Variants in JAK1 observed in about 807,000 individuals in gnomAD.
JAK1 encodes the protein Janus kinase 1, also known as tyrosine-protein kinase JAK1.
Under a neutral mutation model 136.6 loss-of-function variants are expected in JAK1, and 16 were observed. The observed-to-expected ratio is 0.12, with a 90% CI of 0.08 to 0.18. JAK1 has a LOEUF of 0.18. Ranked by LOEUF, JAK1 falls within the 10% of genes least tolerant of loss-of-function variation. The probability of loss-of-function intolerance (pLI) is 1.00; values close to 1 mark genes in which losing one functional copy is unlikely to be tolerated. For synonymous variants in JAK1, 492 were observed against 519.5 expected, an observed-to-expected ratio of 0.95 and a Z score of 0.72; for missense variants, 859 against 1,450.1, an observed-to-expected ratio of 0.59 and a Z score of 6.62.
intron 2 of JAK1, chr1:64,972,144 CAG>C (rs1421024117): frequency 6.6e-6 from 1 of 152,114 alleles, no homozygotes; most frequent in African/African-American, 2.4e-5. Context: ...AGAACAAAAA[CAG>C]ATAATATTCC....
intron 1 of JAK1, among the ~76,000 whole-genome samples, chr1:65,065,060 A>C (rs1647981096): frequency 6.6e-6 from 1 of 152,140 alleles, no homozygotes; most frequent in South Asian, 2.1e-4. Flanking sequence ...TCCCCATGTC[A>C]AAGTTCATTG....
chr1:65,012,582 A>T (rs1017416678), intron 2 of JAK1, among the ~76,000 whole-genome samples: 13 of 152,188 alleles, frequency 8.5e-5, no homozygotes, highest in African/African-American at 2.7e-4. Flanking sequence ...GACATTTGCC[A>T]ATACAGCCAA....
chr1:64,864,853 A>C lies in JAK1; in HGVS notation c.1110T>G (p.Pro370=), dbSNP rs746173878. 111 of 1,613,728 alleles carry C rather than the reference A, an allele frequency of 6.9e-5. 2 individuals carry two copies. In the South Asian group the frequency reaches 1.2e-3, roughly 18 times the overall value. The change falls in exon 8 of 25, where the codon CCT becomes CCG. Residue 370 remains proline (P), a synonymous_variant. Transcript: ENST00000342505. ...REEWNNFSYF[P]EITHIVIKES... is the part of the protein sequence containing the mutation. The stretch of plus-strand genomic sequence containing the variant: ...CCTTTATTACAATGTGAGTGATTTC[A>C]GGGAAGTAAGAAAAATTGTTCCACT...
intron 1 of JAK1, among the ~76,000 whole-genome samples, chr1:64,928,778 CA>C (rs1183218798): frequency 0.014 from 841 of 61,094 alleles, 6 homozygotes; most frequent in African/African-American, 0.028. Context: ...TAAAACTCTG[CA>C]AAAAAAAAAA....
intron 1 of JAK1, among the ~76,000 whole-genome samples, chr1:64,912,220 T>C (rs72675483): frequency 0.091 from 13,897 of 152,224 alleles, 844 homozygotes; most frequent in Middle Eastern, 0.15. Context: ...CTCCAGGTGA[T>C]TCTGAGGCCC....
At chr1:64,876,188 G>A (rs916523827) in intron 4 of JAK1, 1 of 152,200 alleles carries the variant, frequency 6.6e-6, no homozygotes, top group South Asian at 2.1e-4. Context: ...GTGGCAGGAG[G>A]GGAAAAGGCA....
intron 1 of JAK1, among the ~76,000 whole-genome samples, chr1:64,908,533 G>C (rs1056911898): frequency 6.6e-6 from 1 of 151,994 alleles, no homozygotes; most frequent in Non-Finnish European, 1.5e-5. Flanking sequence ...AGTGCTTTTG[G>C]GAGAAGGTCC....
chr1:64,989,327 A>C (rs1646632869), intron 2 of JAK1: 1 of 115,496 alleles, frequency 8.7e-6, no homozygotes, highest in Non-Finnish European at 1.8e-5. Context: ...TCCATCTCAA[A>C]TAAATAAATA....
At chr1:64,910,381 C>T (rs1052497314) in intron 1 of JAK1, among the ~76,000 whole-genome samples, 1 of 151,882 alleles carries the variant, frequency 6.6e-6, no homozygotes, top group African/African-American at 2.4e-5. Context: ...GCATTGCTCT[C>T]GTTGTCAAAA....
chr1:64,873,879 A>C (rs1657229403), intron 4 of JAK1, among the ~76,000 whole-genome samples: 2 of 152,208 alleles, frequency 1.3e-5, no homozygotes, highest in Non-Finnish European at 2.9e-5. Flanking sequence ...TGCTAAGCCC[A>C]TTCTACCTCG....
intron 1 of JAK1, among the ~76,000 whole-genome samples, chr1:65,054,648 TG>T (rs1305433858): frequency 6.6e-6 from 1 of 152,154 alleles, no homozygotes; most frequent in Admixed American, 6.5e-5. Flanking sequence ...TTGAGGCAAC[TG>T]GAACAGGAAG....
chr1:64,989,002 G>GTGTGTATATA (rs545656432), intron 2 of JAK1, among the ~76,000 whole-genome samples: 5 of 129,238 alleles, frequency 3.9e-5, no homozygotes, highest in African/African-American at 1.4e-4. Flanking sequence ...GTGTGTGTGT[G>GTGTGTATATA]TATATATATA....
Position 65,052,579 on chromosome 1 carries a change from C to T in JAK1, c.-180-7997G>A, listed in dbSNP as rs551784186. The stretch of plus-strand genomic sequence containing the variant: ...TGTAATCCCAGCACCTTTGGGAGGC[C>T]GAGGCGGGCGGATCACGAGGTCAGG... On this transcript the variant is annotated intron_variant, in intron 1 of 25. Transcript: ENST00000671954. 1.4e-4 allele frequency among the ~76,000 whole-genome samples: 21 copies of T among 151,788 alleles called. No individual in the cohort carries two copies. The East Asian group carries it at 2.9e-3, about 21-fold the overall frequency.
At chr1:64,983,745 G>A (rs1001848677) in intron 2 of JAK1, among the ~76,000 whole-genome samples, 3 of 152,136 alleles carry the variant, frequency 2.0e-5, no homozygotes, top group Admixed American at 1.3e-4. Context: ...CCCATCAACT[G>A]CCATTAACTA....
intron 5 of JAK1, 148 bp downstream of exon 5, chr1:64,873,222 G>A (rs555570647): frequency 1.2e-6 from 1 of 812,812 alleles, no homozygotes; most frequent in African/African-American, 1.7e-5. Context: ...TCCTCACTTG[G>A]GGCAAGTCCA....
chr1:64,836,031 C>T, intron 23 of JAK1, 67 bp downstream of exon 23: 1 of 838,456 alleles, frequency 1.2e-6, no homozygotes, highest in South Asian at 1.5e-5. Flanking sequence ...CAAAAGTTAA[C>T]CAAGCAGAGG....
intron 1 of JAK1, among the ~76,000 whole-genome samples, chr1:64,924,431 T>G (rs1645548158): frequency 6.6e-6 from 1 of 152,178 alleles, no homozygotes; most frequent in Admixed American, 6.5e-5. Flanking sequence ...CTGTGCACAT[T>G]ATAGGATTCC....
At chr1:64,856,521 T>A (rs1389928748) in intron 10 of JAK1, among the ~76,000 whole-genome samples, 4 of 152,000 alleles carry the variant, frequency 2.6e-5, no homozygotes, top group Admixed American at 2.6e-4. Context: ...TTTCCCCGGG[T>A]GATGTGACAT....
intron 2 of JAK1, chr1:64,985,459 G>A: frequency 6.2e-7 from 1 of 1,606,002 alleles, no homozygotes; most frequent in Non-Finnish European, 8.5e-7. Context: ...CTGTTAATGA[G>A]CAAGAATCTG....
Sources: gnomAD v4.1 joint callset for allele counts (sites outside exome capture counted in the v4.1 genomes callset) on GRCh38, gnomAD v4.1.1 for gene constraint, MANE v1.5 for transcripts, NCBI Gene and HGNC (gene_info 2026-07-23, HGNC 2026-07-21) for gene names.